Variants in RGS6 observed in about 807,000 individuals in gnomAD.
RGS6 encodes the protein regulator of G protein signaling 6, also known as regulator of G-protein signaling 6.
Under a neutral mutation model 78.5 loss-of-function variants are expected in RGS6, and 30 were observed. The observed-to-expected ratio is 0.38, with a 90% CI of 0.29 to 0.52. The LOEUF (loss-of-function observed/expected upper bound fraction) is 0.52, where lower values mean the gene tolerates loss of function less well. Among genes scored for constraint, RGS6 ranks in the 20% least tolerant of loss-of-function variants. The pLI is 0.85. For synonymous variants in RGS6, 206 were observed against 206.0 expected, an observed-to-expected ratio of 1.00 and a Z score of 0.00; for missense variants, 495 against 609.7, an observed-to-expected ratio of 0.81 and a Z score of 1.98.
chr14:72,473,330 G>A (rs536582160), intron 9 of RGS6, among the ~76,000 whole-genome samples: 93 of 152,326 alleles, frequency 6.1e-4, no homozygotes, highest in Non-Finnish European at 9.7e-4. Flanking sequence ...TGTAGTCCCA[G>A]CGACTCGGGA....
rs373621989 is a variant in RGS6 at position 72,495,062 on chromosome 14, G to T, written c.855-90G>T. ...ATTTTTTCCTTTAATTTAGAATTAT[G>T]TGAAGACTGCTATAATGTTTGTGTA... On this transcript the variant is annotated intron_variant, in intron 12 of 17. Transcript: ENST00000553525. 921 of 779,156 alleles carry T rather than the reference G, an allele frequency of 1.2e-3. 16 individuals are homozygous for T. The South Asian group carries it at 0.013, about 11-fold the overall frequency. 48.3% of individuals were successfully genotyped at this position (779,156 alleles called of 1,614,324 possible).
chr14:71,884,786 T>C, the RGS6 span, among the ~76,000 whole-genome samples: 1 of 152,152 alleles, frequency 6.6e-6, no homozygotes, highest in East Asian at 1.9e-4. Flanking sequence ...ATCCACAGAC[T>C]TTCTTGAAAT....
At chr14:72,291,225 G>A (rs566938331) in intron 2 of RGS6, among the ~76,000 whole-genome samples, 3 of 151,958 alleles carry the variant, frequency 2.0e-5, no homozygotes, top group South Asian at 2.1e-4. Context: ...ATCTGCTTCC[G>A]TGAGCTTCAT....
At chr14:72,560,482 A>G (rs548662329) in intron 17 of RGS6, among the ~76,000 whole-genome samples, 5 of 152,172 alleles carry the variant, frequency 3.3e-5, no homozygotes, top group African/African-American at 7.2e-5. Flanking sequence ...TTCCCGAGTG[A>G]CAAATGCCTC....
At chr14:72,394,989 C>CGGTCCCTCCGTTTGG (rs561456289) in intron 3 of RGS6, among the ~76,000 whole-genome samples, 327 of 152,238 alleles carry the variant, frequency 2.1e-3, no homozygotes, top group African/African-American at 6.6e-3. Flanking sequence ...TGGCTTCAAC[C>CGGTCCCTCCGTTTGG]GGTCCCTCCG....
the RGS6 span, among the ~76,000 whole-genome samples, chr14:72,628,988 G>A: frequency 6.6e-6 from 1 of 152,194 alleles, no homozygotes; most frequent in Non-Finnish European, 1.5e-5. Context: ...TAATTGCAAT[G>A]TATGGGCCTT....
At position 72,184,221 on chromosome 14, in the gene RGS6, G is replaced by A. The variant is rs146909673; in HGVS notation, c.85-167874G>A. ...CTCATTCATCTTTTTATCTTTTACA[G>A]TGCTCTCGCAAATATTTATTGAATA... On this transcript the variant is annotated intron_variant, in intron 2 of 17. Coordinates refer to ENST00000553525, the MANE Select transcript of RGS6 (RefSeq NM_001204424.2). Among the ~76,000 whole-genome samples, 949 of 152,114 alleles carry A rather than the reference G, an allele frequency of 6.2e-3. 11 individuals carry two copies. The highest frequency in any genetic ancestry group is 0.031 in the Middle Eastern group (9 of 294).
rs546855326 is a variant in RGS6, at chr14:72,177,390, G to A, written c.85-174705G>A. ...GCTGAAAATGCTCTCTTGTGAGCAG[G>A]GTAAGTAGATGGCTTGTGCTGGTGC... On this transcript the variant is annotated intron_variant, in intron 2 of 17. Transcript: ENST00000553525. Among the ~76,000 whole-genome samples the A allele has an allele frequency of 5.3e-5, 8 of 152,268 alleles. No individual in the cohort carries two copies. In the East Asian group the frequency reaches 1.4e-3, roughly 26 times the overall value.
At chr14:72,499,016 G>A (rs947544895) in intron 13 of RGS6, among the ~76,000 whole-genome samples, 34 of 152,144 alleles carry the variant, frequency 2.2e-4, no homozygotes, top group Admixed American at 2.2e-3. Context: ...TCTTGGGGAG[G>A]TAGACCCCCA....
chr14:72,210,376 C>T (rs377092358), intron 2 of RGS6, among the ~76,000 whole-genome samples: 6 of 152,152 alleles, frequency 3.9e-5, no homozygotes, highest in Non-Finnish European at 8.8e-5. Flanking sequence ...TCTCCACAAG[C>T]CTTCCTTTCA....
the RGS6 span, among the ~76,000 whole-genome samples, chr14:72,593,552 T>C: frequency 6.6e-6 from 1 of 152,132 alleles, no homozygotes; most frequent in Non-Finnish European, 1.5e-5. Context: ...GCCCAGCTAA[T>C]TTTTCTGTAT....
intron 13 of RGS6, among the ~76,000 whole-genome samples, chr14:72,497,594 C>G (rs1457886513): frequency 2.6e-5 from 4 of 152,114 alleles, no homozygotes; most frequent in Non-Finnish European, 4.4e-5. Flanking sequence ...TCGATTTAAA[C>G]AAACAAGAGT....
chr14:72,485,433 C>T (rs115708864), intron 12 of RGS6, among the ~76,000 whole-genome samples: 1,601 of 152,230 alleles, frequency 0.011, 25 homozygotes, highest in African/African-American at 0.037. Flanking sequence ...TGGTACTGTG[C>T]GTTGGCCATT....
intron 2 of RGS6, among the ~76,000 whole-genome samples, chr14:72,038,345 T>G (rs982586419): frequency 5.3e-5 from 8 of 152,230 alleles, no homozygotes; most frequent in Non-Finnish European, 1.0e-4. Context: ...CCTCCAACTC[T>G]GTTCTTTTTC....
rs2093364841 is a variant in RGS6, at chr14:72,052,977, CTTT to C, written c.84+88103_84+88105del. Among the ~76,000 whole-genome samples, 3 of 45,642 alleles carry C rather than the reference CTTT, an allele frequency of 6.6e-5. No individual in the cohort carries two copies. In the East Asian group the frequency reaches 3.9e-3, roughly 59 times the overall value. The allele number at this position is 45,642 out of a possible 152,430, so 29.9% of individuals were successfully genotyped here. On this transcript the variant is annotated intron_variant, in intron 2 of 17. Transcript: ENST00000553525. ...TCTTTCTTTCTTTCTTTCTTTCTTTCTTTCTTTCTCTCTCTCTCTCTCTCTCTC... is the reference window on the plus strand; with the variant it reads ...TCTTTCTTTCTTTCTTTCTTTCTTTCCTTTCTCTCTCTCTCTCTCTCTCTC...
At chr14:72,336,933 C>T (rs1388484448) in intron 2 of RGS6, among the ~76,000 whole-genome samples, 1 of 151,600 alleles carries the variant, frequency 6.6e-6, no homozygotes, top group African/African-American at 2.4e-5. Context: ...TTTATAAGGA[C>T]ATCAGTCATT....
At chr14:72,511,915 G>A (rs1215079391) in intron 14 of RGS6, 3 of 152,218 alleles carry the variant, frequency 2.0e-5, no homozygotes, top group African/African-American at 7.2e-5. Context: ...GCCTAATGAA[G>A]CATTTGTAAC....
chr14:72,090,748 C>A (rs192768774), intron 2 of RGS6, among the ~76,000 whole-genome samples: 1 of 152,300 alleles, frequency 6.6e-6, no homozygotes, highest in Admixed American at 6.5e-5. Flanking sequence ...TGCCACAAAG[C>A]TCCCTTTTTG....
At chr14:72,430,051 T>C (rs1237461299) in intron 3 of RGS6, among the ~76,000 whole-genome samples, 1 of 152,200 alleles carries the variant, frequency 6.6e-6, no homozygotes, top group African/African-American at 2.4e-5. Context: ...CAATTAAACC[T>C]TTTTCCTTTA....
Sources: allele counts gnomAD v4.1 joint callset (sites outside exome capture counted in the v4.1 genomes callset), GRCh38; gene constraint gnomAD v4.1.1; transcripts MANE v1.5; gene names NCBI Gene and HGNC (gene_info 2026-07-23, HGNC 2026-07-21).